Variants in MACROD2 observed in about 807,000 individuals in gnomAD.
The protein encoded by MACROD2 is mono-ADP ribosylhydrolase 2, also known as ADP-ribose glycohydrolase MACROD2.
MACROD2 carries 36 observed loss-of-function variants against 70.4 expected under a neutral mutation model. The ratio of observed to expected loss-of-function variants is 0.51; its 90% CI spans 0.39 to 0.68. The LOEUF (loss-of-function observed/expected upper bound fraction) is 0.68, where lower values mean the gene tolerates loss of function less well. Among genes scored for constraint, MACROD2 ranks in the 30% least tolerant of loss-of-function variants. The probability of loss-of-function intolerance (pLI) is 0.00; values close to 1 mark genes in which losing one functional copy is unlikely to be tolerated. For synonymous variants in MACROD2, 172 were observed against 178.8 expected, an observed-to-expected ratio of 0.96 and a Z score of 0.30; for missense variants, 496 against 538.4, an observed-to-expected ratio of 0.92 and a Z score of 0.78.
chr20:14,187,479 G>A (rs1358001795), intron 3 of MACROD2, among the ~76,000 whole-genome samples: 2 of 152,166 alleles, frequency 1.3e-5, no homozygotes, highest in African/African-American at 2.4e-5. Flanking sequence ...GAAGATATCT[G>A]TTACAGTCTT....
intron 6 of MACROD2, among the ~76,000 whole-genome samples, chr20:15,382,345 A>G (rs1279229424): frequency 1.3e-5 from 2 of 152,292 alleles, no homozygotes; most frequent in African/African-American, 4.8e-5. Flanking sequence ...CCCAGCTCCC[A>G]TCCAATAAAC....
At chr20:15,663,231 G>A (rs1290400340) in intron 8 of MACROD2, among the ~76,000 whole-genome samples, 1 of 120,632 alleles carries the variant, frequency 8.3e-6, no homozygotes, top group Non-Finnish European at 1.7e-5. Flanking sequence ...GTCAGAATTT[G>A]ATTTTTTTTT....
intron 3 of MACROD2, among the ~76,000 whole-genome samples, chr20:14,356,852 G>A (rs1026868965): frequency 1.3e-5 from 2 of 152,128 alleles, no homozygotes; most frequent in Non-Finnish European, 2.9e-5. Flanking sequence ...GCATATTGGC[G>A]CTGGCTTCTG....
At chr20:15,820,998 A>C (rs1475555843) in intron 8 of MACROD2, among the ~76,000 whole-genome samples, 1 of 152,020 alleles carries the variant, frequency 6.6e-6, no homozygotes, top group Non-Finnish European at 1.5e-5. Context: ...GCTAGCATTT[A>C]CCTCTCCAGA....
intron 9 of MACROD2, among the ~76,000 whole-genome samples, chr20:15,869,238 TAGAGAGAGAG>T (rs1555788820): frequency 3.5e-5 from 1 of 28,290 alleles, no homozygotes; most frequent in African/African-American, 9.9e-5. Context: ...TATATATATA[TAGAGAGAGAG>T]AGAGAGAGAG....
At chr20:15,901,630 A>G (rs147093509) in intron 10 of MACROD2, among the ~76,000 whole-genome samples, 112 of 152,284 alleles carry the variant, frequency 7.4e-4, no homozygotes, top group African/African-American at 2.1e-3. Context: ...AGTATTTTCA[A>G]CCTACAATGG....
intron 8 of MACROD2, among the ~76,000 whole-genome samples, chr20:15,780,537 G>A (rs1035548187): frequency 1.3e-4 from 20 of 152,154 alleles, no homozygotes; most frequent in African/African-American, 4.8e-4. Flanking sequence ...TGGTAGGCAA[G>A]GCTTTATCAC....
chr20:14,325,189 T>C (rs1326244762), intron 3 of MACROD2: 3 of 162,072 alleles, frequency 1.9e-5, no homozygotes, highest in Admixed American at 6.3e-5. Context: ...CTCATATGAA[T>C]GCAGTCCTGA....
chr20:15,688,061 G>A (rs773419612), intron 8 of MACROD2, among the ~76,000 whole-genome samples: 7 of 152,102 alleles, frequency 4.6e-5, no homozygotes, highest in African/African-American at 7.2e-5. Context: ...TGAGGCCATG[G>A]TCTCTGCCAT....
At chr20:16,009,157 C>T (rs1012291519) in intron 15 of MACROD2, among the ~76,000 whole-genome samples, 7 of 151,950 alleles carry the variant, frequency 4.6e-5, no homozygotes, top group Non-Finnish European at 8.8e-5. Flanking sequence ...AAAAATGAAC[C>T]TGCTAACTTA....
chr20:15,774,653 G>C (rs186505682), intron 8 of MACROD2, among the ~76,000 whole-genome samples: 22 of 152,192 alleles, frequency 1.4e-4, no homozygotes, highest in Admixed American at 1.3e-3. Context: ...GGCCAGGGAG[G>C]GGGAGGGCAG....
At chr20:15,404,493 C>G (rs2045970717) in intron 6 of MACROD2, among the ~76,000 whole-genome samples, 2 of 152,196 alleles carry the variant, frequency 1.3e-5, no homozygotes, top group Admixed American at 1.3e-4. Context: ...ACGGTAGGAC[C>G]ACACATGTGG....
intron 7 of MACROD2, among the ~76,000 whole-genome samples, chr20:15,498,420 A>G (rs1044468752): frequency 5.3e-5 from 8 of 152,328 alleles, no homozygotes; most frequent in Middle Eastern, 3.4e-3. Context: ...CTGTATGGAA[A>G]ATGTTCCAGG....
chr20:15,595,493 T>G (rs1165214858), intron 8 of MACROD2, among the ~76,000 whole-genome samples: 3 of 152,164 alleles, frequency 2.0e-5, no homozygotes, highest in Non-Finnish European at 4.4e-5. Context: ...CATTGCAACA[T>G]TATTTATGAT....
rs116293639 is a variant in MACROD2 at position 15,601,610 on chromosome 20, G to A, written c.645+101763G>A. On this transcript the variant is annotated intron_variant, in intron 8 of 17. Coordinates refer to ENST00000684519, the MANE Select transcript of MACROD2 (RefSeq NM_001351661.2). ...TCCAGTGATCGGTGATCACCTTACC[G>A]TTAGTTTATTGGCTCTGACTCGCCA... Among the ~76,000 whole-genome samples the A allele has an allele frequency of 2.8e-3, 426 of 152,270 alleles. 3 individuals are homozygous for A. The highest frequency in any genetic ancestry group is 9.4e-3 in the African/African-American group (390 of 41,534).
chr20:14,731,100 T>G (rs1255168758), intron 5 of MACROD2, among the ~76,000 whole-genome samples: 1 of 152,064 alleles, frequency 6.6e-6, no homozygotes, highest in Non-Finnish European at 1.5e-5. Flanking sequence ...CTCATAACCT[T>G]GTAGGCCCTA....
chr20:14,169,729 G>A (rs1364182737), intron 3 of MACROD2, among the ~76,000 whole-genome samples: 1 of 151,978 alleles, frequency 6.6e-6, no homozygotes, highest in Non-Finnish European at 1.5e-5. Context: ...TAATATTTTT[G>A]TTATTCATTT....
At chr20:15,202,190 A>G (rs1183237966) in intron 5 of MACROD2, among the ~76,000 whole-genome samples, 1 of 152,196 alleles carries the variant, frequency 6.6e-6, no homozygotes, top group Non-Finnish European at 1.5e-5. Flanking sequence ...CATTTTAGCT[A>G]CATGGAGAAA....
At chr20:15,481,136 C>G (rs2047091493) in intron 7 of MACROD2, among the ~76,000 whole-genome samples, 1 of 152,184 alleles carries the variant, frequency 6.6e-6, no homozygotes, top group Non-Finnish European at 1.5e-5. Context: ...ATTGGAATGC[C>G]ATAGTTCTCA....
Sources: gnomAD v4.1 joint callset for allele counts (sites outside exome capture counted in the v4.1 genomes callset) on GRCh38, gnomAD v4.1.1 for gene constraint, MANE v1.5 for transcripts, NCBI Gene and HGNC (gene_info 2026-07-23, HGNC 2026-07-21) for gene names.